SNAPC3: variants seen among roughly 807,000 people sequenced by gnomAD.
SNAPC3 encodes the protein snRNA-activating protein complex subunit 3.
Under a neutral mutation model 47.7 loss-of-function variants are expected in SNAPC3, and 56 were observed. The ratio of observed to expected loss-of-function variants is 1.18; its 90% CI spans 0.95 to 1.47. SNAPC3 has a LOEUF of 1.47. SNAPC3 is among the 40% of genes most tolerant of loss of function. The pLI is 0.00. For missense variants in SNAPC3, 665 were observed against 511.3 expected (o/e 1.30, Z -2.90); for synonymous variants, 235 against 189.9 (o/e 1.24, Z -1.95).
chr9:15,457,949 A>C lies in SNAPC3; in HGVS notation c.981-11A>C. ...GTCACCTTAATATCTTTATTTTCCC[A>C]CGAACAAAAGGCTTGTGCATCATGA... On this transcript the variant is annotated splice_polypyrimidine_tract_variant and intron_variant, in intron 7 of 8. Coordinates refer to ENST00000380821, the MANE Select transcript of SNAPC3 (RefSeq NM_001039697.2). The C allele has an allele frequency of 6.6e-7, 1 of 1,524,480 alleles. No individual in the cohort carries two copies. Among genetic ancestry groups the C allele is most frequent in the Non-Finnish European group, 8.9e-7 (1 of 1,120,066 alleles). The allele number at this position is 1,524,480 out of a possible 1,614,324, so 94.4% of individuals were successfully genotyped here. A position where few individuals can be genotyped will look rare whatever the true frequency, so the allele number is the denominator to read the frequency against.
intron 4 of SNAPC3, among the ~76,000 whole-genome samples, chr9:15,445,735 G>T (rs2033878093): frequency 2.0e-5 from 3 of 152,104 alleles, no homozygotes; most frequent in Admixed American, 1.3e-4. Flanking sequence ...GATCACTTGA[G>T]CTCAGGAGTT....
In SNAPC3 at chr9:15,459,881, A is replaced by C; in HGVS notation, c.*15A>C. 1.9e-6 allele frequency: 3 copies of C among 1,597,996 alleles called. No homozygotes were observed. Among genetic ancestry groups the C allele is most frequent in the Non-Finnish European group, 2.6e-6 (3 of 1,173,534 alleles). On this transcript the variant is annotated 3_prime_UTR_variant, in exon 9 of 9. Coordinates refer to ENST00000380821, the MANE Select transcript of SNAPC3 (RefSeq NM_001039697.2). The stretch of plus-strand genomic sequence containing the variant: ...CCTTTAATTAAGAATAGCTACACTC[A>C]CAAAAATACCCCCTCATGAAATAAC...
chr9:15,438,573 C>T (rs1454441396), intron 3 of SNAPC3, among the ~76,000 whole-genome samples: 3 of 151,942 alleles, frequency 2.0e-5, no homozygotes, highest in Non-Finnish European at 2.9e-5. Context: ...TAAAGTTATA[C>T]AGCCATAACT....
intron 3 of SNAPC3, among the ~76,000 whole-genome samples, chr9:15,441,124 C>T (rs944656188): frequency 2.0e-5 from 3 of 150,930 alleles, no homozygotes; most frequent in African/African-American, 7.3e-5. Flanking sequence ...AAAGTTGATA[C>T]ATAATGATTG....
At chr9:15,454,769 A>T (rs939373397) in intron 7 of SNAPC3, among the ~76,000 whole-genome samples, 1 of 152,120 alleles carries the variant, frequency 6.6e-6, no homozygotes, top group Non-Finnish European at 1.5e-5. Context: ...AAGCGTCTCT[A>T]CTAAAAATAC....
rs890986466 is a variant in SNAPC3, at chr9:15,461,110, A to C, written c.*1244A>C. The C allele has an allele frequency of 2.6e-5, 4 of 151,884 alleles. No individual in the cohort carries two copies. Among genetic ancestry groups the C allele is most frequent in the African/African-American group, 9.7e-5 (4 of 41,396 alleles). 9.4% of individuals were successfully genotyped at this position (151,884 alleles called of 1,614,324 possible). Reference sequence around the variant, plus strand: ...ATTCTTCTGGTCCCCTTACTATAGTAATTCTAGTTACTCTCATCTTATTCT... The same window carrying C: ...ATTCTTCTGGTCCCCTTACTATAGTCATTCTAGTTACTCTCATCTTATTCT... On this transcript the variant is annotated 3_prime_UTR_variant, in exon 9 of 9. Transcript: ENST00000380821.
At chr9:15,452,902 T>C (rs755221061) in intron 6 of SNAPC3, 139 bp from the exon 7 acceptor site, 1 of 608,194 alleles carries the variant, frequency 1.6e-6, no homozygotes, top group Non-Finnish European at 2.8e-6. Flanking sequence ...TCAAACATTT[T>C]GGTCTTCATC....
At chr9:15,446,224 T>G (rs886523783) in intron 4 of SNAPC3, among the ~76,000 whole-genome samples, 5 of 152,300 alleles carry the variant, frequency 3.3e-5, no homozygotes, top group Admixed American at 6.5e-5. Flanking sequence ...TTTGTTGGTT[T>G]GTTTGTTTTT....
Sources: gnomAD v4.1 joint callset for allele counts (sites outside exome capture counted in the v4.1 genomes callset) on GRCh38, gnomAD v4.1.1 for gene constraint, MANE v1.5 for transcripts, NCBI Gene and HGNC (gene_info 2026-07-23, HGNC 2026-07-21) for gene names.